Variants in RORA observed in about 807,000 individuals in gnomAD.
The protein encoded by RORA is RAR related orphan receptor A, also known as nuclear receptor ROR-alpha.
Under a neutral mutation model 69.5 loss-of-function variants are expected in RORA, and 7 were observed. The observed-to-expected ratio is 0.10, with a 90% CI of 0.06 to 0.19. The LOEUF is 0.19. Among genes scored for constraint, RORA ranks in the 10% least tolerant of loss-of-function variants. RORA has a pLI of 1.00. For synonymous variants in RORA, 261 were observed against 240.8 expected (o/e 1.08, Z -0.78); for missense variants, 457 against 663.0 (o/e 0.69, Z 3.41).
intron 1 of RORA, among the ~76,000 whole-genome samples, chr15:60,704,462 A>G (rs553184275): frequency 1.5e-3 from 228 of 152,368 alleles, no homozygotes; most frequent in Non-Finnish European, 2.2e-3. Flanking sequence ...ATGCAAAAAA[A>G]ATAAAAACAA....
intron 1 of RORA, among the ~76,000 whole-genome samples, chr15:60,702,219 G>A (rs1262839449): frequency 6.6e-6 from 1 of 152,000 alleles, no homozygotes; most frequent in Non-Finnish European, 1.5e-5. Context: ...GTTGTAATTC[G>A]GCTTCAATGA....
intron 2 of RORA, among the ~76,000 whole-genome samples, chr15:60,535,820 G>A (rs1010610397): frequency 3.9e-5 from 6 of 151,958 alleles, no homozygotes; most frequent in Non-Finnish European, 8.8e-5. Context: ...AATGTGTCAC[G>A]CATTATATCT....
chr15:60,788,035 T>C (rs554493762), intron 1 of RORA, among the ~76,000 whole-genome samples: 60 of 152,060 alleles, frequency 3.9e-4, no homozygotes, highest in African/African-American at 1.4e-3. Context: ...CTTGGAGAGG[T>C]CTATGAAGGA....
chr15:60,801,360 G>A (rs2072578710), intron 1 of RORA, among the ~76,000 whole-genome samples: 1 of 152,128 alleles, frequency 6.6e-6, no homozygotes, highest in South Asian at 2.1e-4. Flanking sequence ...AGGAACGAAT[G>A]CTGCCTTCAT....
intron 1 of RORA, among the ~76,000 whole-genome samples, chr15:60,755,447 G>A (rs988028693): frequency 1.3e-5 from 2 of 151,982 alleles, no homozygotes; most frequent in Non-Finnish European, 1.5e-5. Flanking sequence ...ATAAACATAC[G>A]TGTGCATGTG....
intron 1 of RORA, among the ~76,000 whole-genome samples, chr15:61,075,630 T>C (rs1349702219): frequency 6.6e-6 from 1 of 152,166 alleles, no homozygotes; most frequent in Admixed American, 6.5e-5. Context: ...TATAATTATC[T>C]CAGTTTTTGA....
intron 2 of RORA, among the ~76,000 whole-genome samples, chr15:60,599,240 G>C (rs2068761849): frequency 6.6e-6 from 1 of 152,202 alleles, no homozygotes; most frequent in Non-Finnish European, 1.5e-5. Context: ...CCTCTTAGAA[G>C]GACGATAGAA....
chr15:60,577,433 C>T (rs138618792), intron 2 of RORA, among the ~76,000 whole-genome samples: 1 of 152,226 alleles, frequency 6.6e-6, no homozygotes, highest in Non-Finnish European at 1.5e-5. Context: ...CACCTGAGGT[C>T]AGGAGTTCGA....
intron 1 of RORA, among the ~76,000 whole-genome samples, chr15:60,918,356 T>C (rs1891941371): frequency 6.6e-6 from 1 of 152,240 alleles, no homozygotes; most frequent in Non-Finnish European, 1.5e-5. Context: ...ACTGGTTTGG[T>C]AGGCCATTAG....
intron 10 of RORA, among the ~76,000 whole-genome samples, 163 bp from the exon 11 acceptor site, chr15:60,497,782 G>A (rs1410113058): frequency 2.0e-5 from 3 of 152,082 alleles, no homozygotes; most frequent in Non-Finnish European, 4.4e-5. Flanking sequence ...ATGATGGCTG[G>A]GCGCGGTGGC....
At chr15:61,191,309 T>C (rs16943740) in intron 1 of RORA, among the ~76,000 whole-genome samples, 106 of 152,162 alleles carry the variant, frequency 7.0e-4, no homozygotes, top group African/African-American at 2.5e-3. Flanking sequence ...GTATTATTAT[T>C]TCACAAGCTG....
At chr15:61,092,717 C>T (rs916154893) in intron 1 of RORA, among the ~76,000 whole-genome samples, 5 of 152,170 alleles carry the variant, frequency 3.3e-5, no homozygotes, top group Non-Finnish European at 4.4e-5. Flanking sequence ...AATAAAAGCA[C>T]ATTTTATGAG....
intron 2 of RORA, chr15:60,592,795 C>T (rs1202658530): frequency 1.5e-6 from 1 of 665,650 alleles, no homozygotes; most frequent in Admixed American, 2.6e-5. Flanking sequence ...CTTCCCCTCG[C>T]CTTCGGGATC....
In RORA at chr15:60,531,997, C is replaced by G; in HGVS notation, c.197-146G>C. 1.9e-6 allele frequency: 1 copy of G among 527,004 alleles called. No homozygotes were observed. The allele number at this position is 527,004 out of a possible 1,614,324, so 32.6% of individuals were successfully genotyped here. A position where few individuals can be genotyped will look rare whatever the true frequency, so the allele number is the denominator to read the frequency against. On this transcript the variant is annotated intron_variant, in intron 2 of 10. Coordinates refer to ENST00000335670, the MANE Select transcript of RORA (RefSeq NM_134261.3). The surrounding 1 kb of genome is among the most constrained non-coding windows in gnomAD (Gnocchi z 4.8). ...CTATTCATTGCTGAACTGTGAGGGT[C>G]CCCCTAGAGCCCTGGACTAAATTAT...
intron 3 of RORA, chr15:60,530,584 T>C (rs1173672446): frequency 6.6e-6 from 1 of 152,224 alleles, no homozygotes; most frequent in Non-Finnish European, 1.5e-5. Context: ...GGGATCAACA[T>C]GAAGCATCTG....
At chr15:61,087,752 C>A (rs1188459674) in intron 1 of RORA, among the ~76,000 whole-genome samples, 1 of 152,202 alleles carries the variant, frequency 6.6e-6, no homozygotes, top group Non-Finnish European at 1.5e-5. Flanking sequence ...GCTTTACTGC[C>A]CATGTGCAGA....
At chr15:60,745,375 C>T (rs1481177570) in intron 1 of RORA, among the ~76,000 whole-genome samples, 1 of 152,252 alleles carries the variant, frequency 6.6e-6, no homozygotes, top group East Asian at 1.9e-4. Flanking sequence ...TCATCAGACA[C>T]ATGTCCGGGT....
At chr15:60,500,340 T>C (rs975417934) in intron 9 of RORA, among the ~76,000 whole-genome samples, 1 of 152,206 alleles carries the variant, frequency 6.6e-6, no homozygotes, top group Non-Finnish European at 1.5e-5. Flanking sequence ...TACTTTGGAA[T>C]GAAATATTCA....
At chr15:60,518,292 A>G (rs1330981237) in intron 3 of RORA, among the ~76,000 whole-genome samples, 4 of 152,252 alleles carry the variant, frequency 2.6e-5, no homozygotes, top group Non-Finnish European at 5.9e-5. Context: ...ACTTCCACCC[A>G]CCATTAATAA....
Sources: gnomAD v4.1 joint callset for allele counts (sites outside exome capture counted in the v4.1 genomes callset) on GRCh38, gnomAD v4.1.1 for gene constraint, Gnocchi (gnomAD v3.1) non-coding constraint, MANE v1.5 for transcripts, NCBI Gene and HGNC (gene_info 2026-07-23, HGNC 2026-07-21) for gene names.